FAM135A: variants seen among roughly 807,000 people sequenced by gnomAD.
The protein encoded by FAM135A is protein FAM135A.
A neutral mutation model predicts 146.8 loss-of-function variants in FAM135A; 79 were observed. That is an observed-to-expected ratio of 0.54 (90% confidence interval 0.45 to 0.65). FAM135A has a LOEUF of 0.65. Ranked by LOEUF, FAM135A falls within the 30% of genes least tolerant of loss-of-function variation. The pLI is 0.00. For synonymous variants in FAM135A, 562 were observed against 603.6 expected, an observed-to-expected ratio of 0.93 and a Z score of 1.01; for missense variants, 1,623 against 1,758.2, an observed-to-expected ratio of 0.92 and a Z score of 1.38.
At chr6:70,487,028 A>G (rs1018229315) in intron 10 of FAM135A, among the ~76,000 whole-genome samples, 3 of 141,416 alleles carry the variant, frequency 2.1e-5, no homozygotes, top group African/African-American at 8.0e-5. Context: ...GGTTGCAGTG[A>G]GCCAAGATCG....
At chr6:70,455,571 T>C (rs1778164546) in intron 5 of FAM135A, among the ~76,000 whole-genome samples, 1 of 152,148 alleles carries the variant, frequency 6.6e-6, no homozygotes, top group South Asian at 2.1e-4. Context: ...TCACGAAACA[T>C]AGAGGTAATA....
chr6:70,487,381 T>C (rs1285814826), intron 10 of FAM135A, among the ~76,000 whole-genome samples: 2 of 152,098 alleles, frequency 1.3e-5, no homozygotes, highest in African/African-American at 4.8e-5. Context: ...AGTTTTCACT[T>C]TGCGTTCAGT....
intron 2 of FAM135A, among the ~76,000 whole-genome samples, chr6:70,417,957 T>C (rs1055954497): frequency 2.6e-5 from 4 of 152,248 alleles, no homozygotes; most frequent in Non-Finnish European, 5.9e-5. Context: ...GCGATTCTCA[T>C]TGTCTTTCCT....
chr6:70,527,790 G>C (rs1219287173), intron 15 of FAM135A, among the ~76,000 whole-genome samples: 1 of 151,776 alleles, frequency 6.6e-6, no homozygotes, highest in Non-Finnish European at 1.5e-5. Flanking sequence ...CCTTCTTATT[G>C]GTATTTTTAG....
Position 70,536,378 on chromosome 6 carries a change from A to G in FAM135A, c.4084A>G (p.Thr1362Ala), listed in dbSNP as rs1205827385. Residue 1362 changes from threonine to alanine, a missense_variant, in exon 19 of 22, where the codon ACA (threonine) becomes GCA (alanine). Thr to Ala is a moderately conservative substitution (Grantham distance 58, BLOSUM62 0). Transcript: ENST00000418814. Reference protein sequence around the residue: ...FLSLSGPHLGTLYNSSALVNT... With the variant: ...FLSLSGPHLGALYNSSALVNT... ...GTCTCTTTCTGGACCTCACCTTGGT[A>G]CACTCTACAACAGCAGTGCTCTTGT... The G allele has an allele frequency of 6.2e-7, 1 of 1,612,190 alleles. No individual in the cohort carries two copies. Among genetic ancestry groups the G allele is most frequent in the Non-Finnish European group, 8.5e-7 (1 of 1,179,330 alleles).
At chr6:70,448,640 GA>G (rs1422573065) in intron 4 of FAM135A, among the ~76,000 whole-genome samples, 3 of 152,114 alleles carry the variant, frequency 2.0e-5, no homozygotes, top group Non-Finnish European at 2.9e-5. Flanking sequence ...GGGAAATCAG[GA>G]GTCTCACAGC....
rs546674936 is a variant in FAM135A at position 70,450,716 on chromosome 6, G to GT, written c.78-1734dup. On this transcript the variant is annotated intron_variant, in intron 4 of 21. Transcript: ENST00000418814. ...CTCAGGGAGTGTGACCCTTTTAGTT[G>GT]TTTTTTTTTTTTTTTTTTTTTTTTT... 5.6e-4 allele frequency among the ~76,000 whole-genome samples: 16 copies of GT among 28,344 alleles called. 1 individual carries two copies. Among genetic ancestry groups the GT allele is most frequent in the East Asian group, 1.6e-3 (1 of 640 alleles). 18.6% of individuals were successfully genotyped at this position (28,344 alleles called of 152,430 possible).
intron 5 of FAM135A, among the ~76,000 whole-genome samples, chr6:70,457,836 T>C (rs1047593652): frequency 2.0e-5 from 3 of 151,972 alleles, no homozygotes; most frequent in Non-Finnish European, 4.4e-5. Context: ...AATGCCCAAA[T>C]AGAGTACCTT....
chr6:70,549,057 T>G (rs1482871368), intron 20 of FAM135A, among the ~76,000 whole-genome samples: 1 of 152,138 alleles, frequency 6.6e-6, no homozygotes, highest in Non-Finnish European at 1.5e-5. Context: ...CTTCATATAT[T>G]AGTGGTGGAA....
At chr6:70,491,327 G>A (rs1326715779) in intron 11 of FAM135A, among the ~76,000 whole-genome samples, 1 of 151,916 alleles carries the variant, frequency 6.6e-6, no homozygotes, top group Non-Finnish European at 1.5e-5. Context: ...ATAATTAACT[G>A]ATCAAACAGT....
chr6:70,556,618 A>T, intron 20 of FAM135A, 132 bp from the exon 21 acceptor site: 4 of 568,536 alleles, frequency 7.0e-6, no homozygotes, highest in Non-Finnish European at 1.2e-5. Context: ...AGAAAGGATC[A>T]TCAAGTATTG....
chr6:70,504,489 G>A (rs180697238), intron 12 of FAM135A: 1 of 152,270 alleles, frequency 6.6e-6, no homozygotes, highest in East Asian at 1.9e-4. Flanking sequence ...GCCAGACATG[G>A]ACATAGCCAT....
chr6:70,479,909 C>T (rs985805898), intron 8 of FAM135A, among the ~76,000 whole-genome samples: 3 of 152,086 alleles, frequency 2.0e-5, no homozygotes, highest in Non-Finnish European at 2.9e-5. Flanking sequence ...TATGACAACT[C>T]TGAAAAACAC....
intron 5 of FAM135A, among the ~76,000 whole-genome samples, chr6:70,463,206 A>G (rs538755967): frequency 6.6e-6 from 1 of 152,182 alleles, no homozygotes; most frequent in African/African-American, 2.4e-5. Context: ...AACCGTAGGT[A>G]ACTCCCCTAA....
chr6:70,453,086 AG>A (rs1423968854), intron 5 of FAM135A, among the ~76,000 whole-genome samples: 2 of 152,188 alleles, frequency 1.3e-5, no homozygotes, highest in African/African-American at 4.8e-5. Context: ...CCAGCATTAA[AG>A]GGGTTAAGTT....
At chr6:70,435,100 TATATA>T (rs1379953305) in intron 4 of FAM135A, among the ~76,000 whole-genome samples, 2,207 of 124,096 alleles carry the variant, frequency 0.018, 61 homozygotes, top group African/African-American at 0.056. Flanking sequence ...TATATATATA[TATATA>T]TATATTTTTT....
chr6:70,469,958 C>G (rs1420272760), intron 5 of FAM135A, among the ~76,000 whole-genome samples: 1 of 151,700 alleles, frequency 6.6e-6, no homozygotes, highest in African/African-American at 2.4e-5. Context: ...TGCCACTGCA[C>G]TATAGCCTGG....
At chr6:70,480,541 GT>G (rs1783498399) in intron 8 of FAM135A, among the ~76,000 whole-genome samples, 1 of 152,102 alleles carries the variant, frequency 6.6e-6, no homozygotes, top group South Asian at 2.1e-4. Context: ...TTCATTAAGT[GT>G]TAACACTGTA....
intron 12 of FAM135A, among the ~76,000 whole-genome samples, chr6:70,519,518 A>G (rs1793064500): frequency 6.6e-6 from 1 of 152,244 alleles, no homozygotes; most frequent in Non-Finnish European, 1.5e-5. Flanking sequence ...TCTTTTGTGA[A>G]AGGAAGAGTC....
Sources: gnomAD v4.1 joint callset for allele counts (sites outside exome capture counted in the v4.1 genomes callset) on GRCh38, gnomAD v4.1.1 for gene constraint, MANE v1.5 for transcripts, NCBI Gene and HGNC (gene_info 2026-07-23, HGNC 2026-07-21) for gene names.